Variants in IL16 observed in about 807,000 individuals in gnomAD.
IL16 encodes interleukin 16.
A neutral mutation model predicts 110.1 loss-of-function variants in IL16; 67 were observed. The ratio of observed to expected loss-of-function variants is 0.61; its 90% CI spans 0.50 to 0.75. IL16 has a LOEUF of 0.75. Ranked by LOEUF, IL16 falls within the 30% of genes least tolerant of loss-of-function variation. The pLI is 0.00. For missense variants in IL16, 1,545 were observed against 1,655.0 expected (o/e 0.93, Z 1.15); for synonymous variants, 689 against 662.9 (o/e 1.04, Z -0.61).
intron 1 of IL16, among the ~76,000 whole-genome samples, chr15:81,189,466 G>T (rs545510928): frequency 2.6e-4 from 40 of 152,208 alleles, no homozygotes; most frequent in African/African-American, 9.4e-4. Flanking sequence ...TAGGGACAGA[G>T]TCTTGCTGTA....
intron 1 of IL16, among the ~76,000 whole-genome samples, chr15:81,187,413 A>G (rs565946787): frequency 2.0e-5 from 3 of 152,308 alleles, no homozygotes; most frequent in African/African-American, 4.8e-5. Context: ...TCTGTGCAAC[A>G]TAGCAAGACC....
intron 11 of IL16, among the ~76,000 whole-genome samples, chr15:81,291,099 G>C (rs1899696137): frequency 1.3e-5 from 2 of 152,216 alleles, no homozygotes; most frequent in African/African-American, 2.4e-5. Flanking sequence ...TGGAGATCCA[G>C]CTGGCTTGAC....
intron 4 of IL16, among the ~76,000 whole-genome samples, chr15:81,268,257 T>TTA (rs1057010760): frequency 3.3e-5 from 5 of 152,330 alleles, no homozygotes; most frequent in Non-Finnish European, 5.9e-5. Context: ...CAGCTCGTTA[T>TTA]CCAGGGAATG....
rs144146109 is a variant in IL16, at chr15:81,284,716, A to G, written c.1200-982A>G. 5.3e-5 allele frequency among the ~76,000 whole-genome samples: 8 copies of G among 152,330 alleles called. No individual in the cohort carries two copies. The East Asian group carries it at 1.3e-3, about 26-fold the overall frequency. ...CCAATCCTGGACCTGCTGATGACCA[A>G]CTAGGCCAGGGGTCTGCAAACTGGG... On this transcript the variant is annotated intron_variant, in intron 9 of 18. Coordinates refer to ENST00000683961, the MANE Select transcript of IL16 (RefSeq NM_172217.5).
intron 18 of IL16, chr15:81,306,898 T>C: frequency 5.9e-6 from 2 of 336,522 alleles, no homozygotes; most frequent in South Asian, 2.6e-5. Context: ...GATACTATTT[T>C]AATGCAGCGT....
intron 2 of IL16, among the ~76,000 whole-genome samples, chr15:81,247,688 T>C (rs999583948): frequency 6.6e-6 from 1 of 152,292 alleles, no homozygotes; most frequent in East Asian, 1.9e-4. Flanking sequence ...TTGTAACCTC[T>C]ACTTCAGCGA....
At chr15:81,187,787 G>T (rs763716111) in intron 1 of IL16, among the ~76,000 whole-genome samples, 2 of 152,212 alleles carry the variant, frequency 1.3e-5, no homozygotes, top group Non-Finnish European at 2.9e-5. Context: ...CCCCAGTTGT[G>T]GTGAGCAGAC....
intron 2 of IL16, among the ~76,000 whole-genome samples, chr15:81,242,357 C>CA (rs1197363106): frequency 1.3e-5 from 2 of 152,124 alleles, no homozygotes; most frequent in Non-Finnish European, 2.9e-5. Flanking sequence ...CTGAGTTTTT[C>CA]AATCTATGAA....
Position 81,189,131 on chromosome 15 carries a change from T to C in IL16, c.40+6235T>C, listed in dbSNP as rs1895461007. On this transcript the variant is annotated intron_variant, in intron 1 of 18. Coordinates refer to the IL16 transcript ENST00000302987. ...ACCATGCCAAGATAATTTTTTTTTT[T>C]TTTTTTTTTTGAGACGGAGTCTCAC... Among the ~76,000 whole-genome samples the C allele has an allele frequency of 2.6e-5, 4 of 150,990 alleles. No homozygotes were observed. The South Asian group carries it at 8.5e-4, about 32-fold the overall frequency.
intron 2 of IL16, among the ~76,000 whole-genome samples, chr15:81,252,844 T>C (rs561431782): frequency 1.4e-4 from 22 of 152,336 alleles, no homozygotes; most frequent in African/African-American, 5.0e-4. Context: ...TTCTATTATA[T>C]GGATATATTC....
chr15:81,255,605 C>A (rs1897917235), intron 2 of IL16, among the ~76,000 whole-genome samples: 1 of 152,198 alleles, frequency 6.6e-6, no homozygotes, highest in Non-Finnish European at 1.5e-5. Context: ...TTCCCAGGTG[C>A]CATGGAAAGA....
At chr15:81,291,956 T>C in intron 11 of IL16, 1 of 456,098 alleles carries the variant, frequency 2.2e-6, no homozygotes, top group South Asian at 1.5e-5. Flanking sequence ...CCCAGGAAGC[T>C]GACTCTGAGA....
At chr15:81,300,633 G>A (rs1900236655) in intron 14 of IL16, among the ~76,000 whole-genome samples, 158 bp downstream of exon 14, 2 of 148,008 alleles carry the variant, frequency 1.4e-5, no homozygotes, top group Non-Finnish European at 3.0e-5. Context: ...GCAGATGTCT[G>A]AGTGTGTGTG....
rs187715544 is a variant in IL16, at chr15:81,309,551, G to A, written c.*753G>A. 7 of 152,372 alleles carry A rather than the reference G, an allele frequency of 4.6e-5. No individual in the cohort carries two copies. In the East Asian group the frequency reaches 9.6e-4, roughly 21 times the overall value. The allele number at this position is 152,372 out of a possible 1,614,324, so 9.4% of individuals were successfully genotyped here. Reference sequence around the variant, plus strand: ...AAACCTGCCTGGGTTTAAGGGGAGAGGAAATATTGCTGGGGTCATTTATGA... The same window carrying A: ...AAACCTGCCTGGGTTTAAGGGGAGAAGAAATATTGCTGGGGTCATTTATGA... On this transcript the variant is annotated 3_prime_UTR_variant, in exon 19 of 19. Transcript: ENST00000683961.
chr15:81,221,796 G>A (rs1161328385), intron 1 of IL16, among the ~76,000 whole-genome samples: 2 of 152,088 alleles, frequency 1.3e-5, no homozygotes, highest in African/African-American at 2.4e-5. Context: ...CATGGGCCCT[G>A]CCATCCCACA....
In IL16 at chr15:81,308,642, A is replaced by T; in HGVS notation, c.3843A>T (p.Gly1281=). Residue 1281 remains glycine, a synonymous_variant, in exon 19 of 19, where the codon GGA becomes GGT. Coordinates refer to ENST00000683961, the MANE Select transcript of IL16 (RefSeq NM_172217.5). ...AACAAAGTGAGACAGTCCAGCCTGG[A>T]GATGAAATCTTACAGCTGGGTGGCA... The part of the protein sequence containing the change: ...ASEQSETVQP[G]DEILQLGGTA... 6.2e-7 allele frequency: 1 copy of T among 1,613,472 alleles called. No individual in the cohort carries two copies. The highest frequency in any genetic ancestry group is 8.5e-7 in the Non-Finnish European group (1 of 1,179,712).
intron 1 of IL16, among the ~76,000 whole-genome samples, chr15:81,207,387 G>A (rs1896069105): frequency 6.6e-6 from 1 of 151,970 alleles, no homozygotes; most frequent in Non-Finnish European, 1.5e-5. Context: ...AAAAGGCTAA[G>A]TAGATTATTT....
chr15:81,305,758 G>A, intron 16 of IL16, 150 bp from the exon 17 acceptor site: 1 of 907,482 alleles, frequency 1.1e-6, no homozygotes, highest in Admixed American at 2.7e-5. Flanking sequence ...TGGCCTCTGT[G>A]CCAGCAGCTC....
intron 1 of IL16, among the ~76,000 whole-genome samples, chr15:81,222,374 GT>G (rs3086708): frequency 0.17 from 23,306 of 136,796 alleles, 2,233 homozygotes; most frequent in East Asian, 0.37. Flanking sequence ...TTCCAGGAGG[GT>G]TTTTTTTTTT....
Sources: gnomAD v4.1 joint callset for allele counts (sites outside exome capture counted in the v4.1 genomes callset) on GRCh38, gnomAD v4.1.1 for gene constraint, MANE v1.5 for transcripts, NCBI Gene and HGNC (gene_info 2026-07-23, HGNC 2026-07-21) for gene names.